CYP27A1: variants seen among roughly 807,000 people sequenced by gnomAD.
The protein encoded by CYP27A1 is sterol 26-hydroxylase, mitochondrial.
A neutral mutation model predicts 58.2 loss-of-function variants in CYP27A1; 46 were observed. The ratio of observed to expected loss-of-function variants is 0.79; its 90% CI spans 0.62 to 1.01. The LOEUF is 1.01. Among genes scored for constraint, CYP27A1 ranks in the 50% least tolerant of loss-of-function variants. The pLI is 0.00. For synonymous variants in CYP27A1, 274 were observed against 285.1 expected, an observed-to-expected ratio of 0.96 and a Z score of 0.39; for missense variants, 704 against 687.0, an observed-to-expected ratio of 1.02 and a Z score of -0.28.
At chr2:218,789,624 G>A (rs569926269) in intron 1 of CYP27A1, among the ~76,000 whole-genome samples, 3 of 152,222 alleles carry the variant, frequency 2.0e-5, no homozygotes, top group Non-Finnish European at 2.9e-5. Flanking sequence ...CTCCATTTAC[G>A]TTATAGTTTG....
intron 1 of CYP27A1, among the ~76,000 whole-genome samples, chr2:218,799,577 A>G (rs949486030): frequency 1.3e-5 from 2 of 152,174 alleles, no homozygotes; most frequent in Non-Finnish European, 2.9e-5. Flanking sequence ...CGGCAGGTTA[A>G]CAAAAACTTG....
intron 1 of CYP27A1, among the ~76,000 whole-genome samples, chr2:218,799,759 C>T (rs1270408712): frequency 6.6e-6 from 1 of 151,600 alleles, no homozygotes; most frequent in Non-Finnish European, 1.5e-5. Flanking sequence ...TTACATCAGT[C>T]CACTGTCCAA....
At chr2:218,808,923 T>C (rs1017694573) in intron 1 of CYP27A1, among the ~76,000 whole-genome samples, 3 of 152,168 alleles carry the variant, frequency 2.0e-5, no homozygotes, top group Admixed American at 2.0e-4. Flanking sequence ...ACATGGCCAG[T>C]ACTTTTTTTT....
intron 1 of CYP27A1, among the ~76,000 whole-genome samples, chr2:218,783,583 G>T (rs1034153810): frequency 1.3e-5 from 2 of 152,232 alleles, no homozygotes; most frequent in African/African-American, 4.8e-5. Context: ...TGAGGCTTCT[G>T]CCCTCATGGG....
rs751195886 is a variant in CYP27A1 at position 218,814,410 on chromosome 2, G to T, written c.1215G>T (p.Arg405=). 4 of 1,614,118 alleles carry T rather than the reference G, an allele frequency of 2.5e-6. No homozygotes were observed. In the South Asian group the frequency reaches 3.3e-5, roughly 13 times the overall value. The change falls in exon 7 of 9, where the codon CGG becomes CGT. Residue 405 remains arginine, a synonymous_variant. Coordinates refer to ENST00000258415, the MANE Select transcript of CYP27A1 (RefSeq NM_000784.4). ...RLYPVVPTNS[R]IIEKEIEVDG... ...ACCCTGTGGTCCCCACAAACTCCCGGATCATAGAAAAGGAAATTGAAGTTG... is the reference window on the plus strand; with the variant it reads ...ACCCTGTGGTCCCCACAAACTCCCGTATCATAGAAAAGGAAATTGAAGTTG...
intron 1 of CYP27A1, among the ~76,000 whole-genome samples, chr2:218,807,890 G>A (rs1287594750): frequency 6.6e-6 from 1 of 152,074 alleles, no homozygotes; most frequent in Non-Finnish European, 1.5e-5. Context: ...GATTATAGGG[G>A]TGAGTCACCA....
intron 1 of CYP27A1, among the ~76,000 whole-genome samples, chr2:218,798,922 T>C (rs148314954): frequency 6.6e-6 from 1 of 152,050 alleles, no homozygotes; most frequent in African/African-American, 2.4e-5. Flanking sequence ...ACCCATGAAA[T>C]TGGTAGACTT....
At chr2:218,785,326 C>T (rs112597275) in intron 1 of CYP27A1, among the ~76,000 whole-genome samples, 177 of 152,256 alleles carry the variant, frequency 1.2e-3, no homozygotes, top group African/African-American at 3.6e-3. Flanking sequence ...GCTTTGCTCA[C>T]TCACCTACTG....
chr2:218,809,442 CTTTTTTT>C (rs57956133), intron 1 of CYP27A1, 128 bp from the exon 2 acceptor site: 43 of 370,276 alleles, frequency 1.2e-4, no homozygotes, highest in East Asian at 3.4e-4. Context: ...ACACAATGCC[CTTTTTTT>C]TTTTTTTTTT....
intron 2 of CYP27A1, among the ~76,000 whole-genome samples, chr2:218,811,011 T>C (rs1943709077): frequency 6.6e-6 from 1 of 151,710 alleles, no homozygotes; most frequent in Non-Finnish European, 1.5e-5. Flanking sequence ...ATTAGCTGGG[T>C]GTGGTGGCAT....
At chr2:218,785,325 A>G (rs537883963) in intron 1 of CYP27A1, among the ~76,000 whole-genome samples, 8 of 152,078 alleles carry the variant, frequency 5.3e-5, no homozygotes, top group Non-Finnish European at 8.8e-5. Flanking sequence ...AGCTTTGCTC[A>G]CTCACCTACT....
chr2:218,812,945 A>C lies in CYP27A1; in HGVS notation c.866A>C (p.Lys289Thr), dbSNP rs371056722. ...ACAGGGAAGAAGCTGATTGATGAGA[A>C]GCTCGAAGATATGGAGGCCCAACTG... The part of the protein sequence containing the change: ...FSFGKKLIDE[K>T]LEDMEAQLQA... Residue 289 changes from lysine (K) to threonine (T), a missense_variant, in exon 5 of 9, where the codon AAG becomes ACG. Lys to Thr is a moderately conservative substitution (Grantham distance 78, BLOSUM62 -1). Transcript: ENST00000258415. The C allele has an allele frequency of 2.5e-6, 4 of 1,614,190 alleles. No individual in the cohort carries two copies. The highest frequency in any genetic ancestry group is 3.4e-6 in the Non-Finnish European group (4 of 1,180,040).
At chr2:218,791,983 A>C (rs569346980) in intron 1 of CYP27A1, among the ~76,000 whole-genome samples, 2 of 152,288 alleles carry the variant, frequency 1.3e-5, no homozygotes, top group Non-Finnish European at 2.9e-5. Flanking sequence ...AATGTACCTG[A>C]AATTTTTATT....
At chr2:218,809,463 TTGC>T in intron 1 of CYP27A1, 111 bp from the exon 2 acceptor site, 2 of 444,470 alleles carry the variant, frequency 4.5e-6, no homozygotes, top group Non-Finnish European at 8.0e-6. Flanking sequence ...TTTTTTTTTT[TTGC>T]CCAGCTCATT....
rs1398037639 is a variant in CYP27A1 at position 218,812,911 on chromosome 2, G to A, written c.845-13G>A. 24 of 1,614,186 alleles carry A rather than the reference G, an allele frequency of 1.5e-5. No individual in the cohort carries two copies. Among genetic ancestry groups the A allele is most frequent in the Non-Finnish European group, 1.9e-5 (23 of 1,180,034 alleles). On this transcript the variant is annotated splice_polypyrimidine_tract_variant and intron_variant, in intron 4 of 8. Transcript: ENST00000258415. ...TTGGCTTTGTCCTTTCCTCTTCTCT[G>A]TTGCTTTCACAGGGAAGAAGCTGAT...
rs970661282 is a variant in CYP27A1, at chr2:218,814,958, G to C, written c.1524G>C (p.Leu508Phe). 6.2e-7 allele frequency: 1 copy of C among 1,614,256 alleles called. No individual in the cohort carries two copies. Among genetic ancestry groups the C allele is most frequent in the African/African-American group, 1.3e-5 (1 of 75,076 alleles). The part of the protein sequence containing the change: ...KVVLAPETGE[L>F]KSVARIVLVP... ...TCCTGGCCCCGGAGACGGGGGAGTT[G>C]AAGAGTGTGGCCCGCATTGTCCTGG... Residue 508 changes from leucine to phenylalanine, a missense_variant, in exon 9 of 9, where the codon TTG becomes TTC. Leu to Phe is a conservative substitution (Grantham distance 22, BLOSUM62 0). Coordinates refer to ENST00000258415, the MANE Select transcript of CYP27A1 (RefSeq NM_000784.4).
At chr2:218,790,525 A>T (rs1294410801) in intron 1 of CYP27A1, among the ~76,000 whole-genome samples, 2 of 152,170 alleles carry the variant, frequency 1.3e-5, no homozygotes, top group Non-Finnish European at 2.9e-5. Context: ...AAAATACCAG[A>T]TGTGATGGAA....
At chr2:218,810,227 C>A (rs935514297) in intron 2 of CYP27A1, among the ~76,000 whole-genome samples, 1 of 151,196 alleles carries the variant, frequency 6.6e-6, no homozygotes, top group Non-Finnish European at 1.5e-5. Flanking sequence ...TGCAGTGAGC[C>A]GAGATCATGC....
At chr2:218,806,538 T>A (rs1389264684) in intron 1 of CYP27A1, among the ~76,000 whole-genome samples, 2 of 152,340 alleles carry the variant, frequency 1.3e-5, no homozygotes, top group African/African-American at 4.8e-5. Flanking sequence ...AGTTGAGTAA[T>A]CCTGGGTTGT....
Sources: allele counts gnomAD v4.1 joint callset (sites outside exome capture counted in the v4.1 genomes callset), GRCh38; gene constraint gnomAD v4.1.1; transcripts MANE v1.5; gene names NCBI Gene and HGNC (gene_info 2026-07-23, HGNC 2026-07-21).